GRHPR: variants seen among roughly 807,000 people sequenced by gnomAD.
GRHPR encodes the protein glyoxylate reductase/hydroxypyruvate reductase.
GRHPR carries 35 observed loss-of-function variants against 36.8 expected under a neutral mutation model. The ratio of observed to expected loss-of-function variants is 0.95; its 90% CI spans 0.73 to 1.26. The LOEUF (loss-of-function observed/expected upper bound fraction) is 1.26. Ranked by LOEUF, GRHPR falls within the 50% of genes most tolerant of loss-of-function variation. The pLI is 0.00. For synonymous variants in GRHPR, 179 were observed against 181.0 expected (o/e 0.99, Z 0.09); for missense variants, 380 against 435.0 (o/e 0.87, Z 1.12).
At position 37,431,851 on chromosome 9, in the gene GRHPR, T is replaced by G. The variant is rs1823382624; in HGVS notation, c.735-157T>G. 15 of 727,434 alleles carry G rather than the reference T, an allele frequency of 2.1e-5. No individual in the cohort carries two copies. In the South Asian group the frequency reaches 2.6e-4, roughly 12 times the overall value. The allele number at this position is 727,434 out of a possible 1,614,324, so 45.1% of individuals were successfully genotyped here. On this transcript the variant is annotated intron_variant, in intron 7 of 8. Coordinates refer to ENST00000318158, the MANE Select transcript of GRHPR (RefSeq NM_012203.2). The stretch of plus-strand genomic sequence containing the variant: ...GCAGGGCTGGAGTTCTCTGAGTATA[T>G]AAGACTTACAGACATACTGTAAGTA...
At chr9:37,425,450 GA>G (rs1243040534) in intron 2 of GRHPR, among the ~76,000 whole-genome samples, 1 of 152,260 alleles carries the variant, frequency 6.6e-6, no homozygotes, top group Non-Finnish European at 1.5e-5. Context: ...TTCAGACTCA[GA>G]GGCTGCCAGA....
downstream of GRHPR, chr9:37,439,396 A>C (rs145679706): frequency 1.9e-3 from 293 of 152,386 alleles, 1 homozygote; most frequent in African/African-American, 6.9e-3. Flanking sequence ...AACAACTTTA[A>C]ACATTTGGTA....
chr9:37,426,907 C>G (rs1258783839), intron 4 of GRHPR, among the ~76,000 whole-genome samples: 2 of 151,366 alleles, frequency 1.3e-5, no homozygotes, highest in Non-Finnish European at 2.9e-5. Context: ...GCTGAGATCA[C>G]ACCATTGCAC....
chr9:37,436,651 T>TCC lies in GRHPR; in HGVS notation c.866-9_866-8dup, dbSNP rs1554749628. ...TCTTATCTCCCTCTCTCTCTCTCTC[T>TCC]CCTTTCCAGTGATTCTGCCCCACAT... On this transcript the variant is annotated splice_polypyrimidine_tract_variant and intron_variant, in intron 8 of 8. Transcript: ENST00000318158. 19 of 1,613,562 alleles carry TCC rather than the reference T, an allele frequency of 1.2e-5. No homozygotes were observed. In the South Asian group the frequency reaches 2.1e-4, roughly 18 times the overall value.
At position 37,429,775 on chromosome 9, in the gene GRHPR, AT is replaced by A. The variant is rs180177315; in HGVS notation, c.540del (p.Leu181CysfsTer38). 1.2e-6 allele frequency: 2 copies of A among 1,613,790 alleles called. No individual in the cohort carries two copies. The highest frequency in any genetic ancestry group is 1.1e-5 in the South Asian group (1 of 91,074). On this transcript the variant is annotated frameshift_variant, in exon 6 of 9. Coordinates refer to ENST00000318158, the MANE Select transcript of GRHPR (RefSeq NM_012203.2). LOFTEE classifies it high-confidence loss of function. The stretch of plus-strand genomic sequence containing the variant: ...GTCTGAAACCATTCGGTGTCCAGAG[AT>A]TTCTGTACACAGGGCGCCAGCCCAG... ...RRLKPFGVQRFLYTGRQPRPE... is the reference protein window; with the variant it reads ...RRLKPFGVQRXLYTGRQPRPE...
Position 37,424,838 on chromosome 9 carries a change from C to G in GRHPR, c.84-7C>G. ...TGCTTCTCCTGAGGGCCTCCCTTTCCCCGCAGCTGTGAGGTGGAGCAGTGG... is the reference window on the plus strand; with the variant it reads ...TGCTTCTCCTGAGGGCCTCCCTTTCGCCGCAGCTGTGAGGTGGAGCAGTGG... On this transcript the variant is annotated splice_polypyrimidine_tract_variant and splice_region_variant and intron_variant, in intron 1 of 8. Coordinates refer to ENST00000318158, the MANE Select transcript of GRHPR (RefSeq NM_012203.2). The G allele has an allele frequency of 6.2e-7, 1 of 1,612,800 alleles. No individual in the cohort carries two copies. The highest frequency in any genetic ancestry group is 8.5e-7 in the Non-Finnish European group (1 of 1,179,816).
intron 7 of GRHPR, chr9:37,431,109 A>G (rs1349354890): frequency 4.4e-6 from 2 of 457,620 alleles, no homozygotes; most frequent in Non-Finnish European, 9.1e-6. Context: ...AGCTCCTCAC[A>G]CTGTCCCTAG....
intron 1 of GRHPR, among the ~76,000 whole-genome samples, chr9:37,423,342 ATT>A (rs35417895): frequency 1.4e-5 from 2 of 146,496 alleles, no homozygotes; most frequent in Non-Finnish European, 3.0e-5. Flanking sequence ...TAATTTTCTG[ATT>A]TTTTTTTTGT....
At chr9:37,431,870 G>C (rs1010657201) in intron 7 of GRHPR, 138 bp from the exon 8 acceptor site, 34 of 857,050 alleles carry the variant, frequency 4.0e-5, no homozygotes, top group Middle Eastern at 3.4e-4. Flanking sequence ...CAGACATACT[G>C]TAAGTATACC....
chr9:37,422,669 C>T (rs978800190), upstream of GRHPR: 6 of 1,160,232 alleles, frequency 5.2e-6, no homozygotes, highest in African/African-American at 4.6e-5. Flanking sequence ...CCCGCCCACT[C>T]CAGCCTGGCC....
intron 3 of GRHPR, 92 bp from the exon 4 acceptor site, chr9:37,426,446 A>C: frequency 2.2e-6 from 2 of 889,652 alleles, no homozygotes; most frequent in Non-Finnish European, 3.9e-6. Flanking sequence ...CAGATCAAAG[A>C]GGGAGCAAAG....
intron 5 of GRHPR, chr9:37,428,889 A>C (rs1002409750): frequency 1.5e-5 from 7 of 466,212 alleles, no homozygotes; most frequent in Non-Finnish European, 2.8e-5. Flanking sequence ...TTACCGTGAG[A>C]GAGCCCATTC....
At chr9:37,433,317 C>G (rs929045738) in intron 8 of GRHPR, among the ~76,000 whole-genome samples, 4 of 151,348 alleles carry the variant, frequency 2.6e-5, no homozygotes, top group Admixed American at 6.6e-5. Flanking sequence ...CACTGCAACC[C>G]CTGCCTCCTG....
intron 6 of GRHPR, 50 bp downstream of exon 6, chr9:37,429,886 G>A: frequency 1.8e-6 from 2 of 1,110,348 alleles, no homozygotes; most frequent in Non-Finnish European, 2.8e-6. Flanking sequence ...CCAGTTGAGA[G>A]GCTGTATTTT....
At chr9:37,433,879 A>C (rs1823501294) in intron 8 of GRHPR, 2 of 395,862 alleles carry the variant, frequency 5.1e-6, no homozygotes, top group African/African-American at 4.1e-5. Flanking sequence ...CTGGAATGGA[A>C]ACCTAAACAA....
At chr9:37,435,886 T>C (rs1823617593) in intron 8 of GRHPR, among the ~76,000 whole-genome samples, 1 of 152,114 alleles carries the variant, frequency 6.6e-6, no homozygotes, top group African/African-American at 2.4e-5. Flanking sequence ...GAACCTTGCA[T>C]CTCGGCATCT....
chr9:37,426,132 C>T, intron 3 of GRHPR, 138 bp downstream of exon 3: 2 of 699,966 alleles, frequency 2.9e-6, no homozygotes, highest in Non-Finnish European at 5.2e-6. Flanking sequence ...AGAATCTGTC[C>T]ACATGTGCAC....
downstream of GRHPR, chr9:37,438,081 C>T (rs1259442661): frequency 6.6e-6 from 1 of 152,074 alleles, no homozygotes; most frequent in Non-Finnish European, 1.5e-5. Flanking sequence ...ACCTTAATAA[C>T]GTAAAGAAAA....
chr9:37,432,307 G>A, intron 8 of GRHPR, 169 bp downstream of exon 8: 1 of 666,594 alleles, frequency 1.5e-6, no homozygotes, highest in Non-Finnish European at 2.8e-6. Context: ...GTGTATGACA[G>A]GAGCAGTCCT....
Sources: gnomAD v4.1 joint callset for allele counts (sites outside exome capture counted in the v4.1 genomes callset) on GRCh38, gnomAD v4.1.1 for gene constraint, MANE v1.5 for transcripts, NCBI Gene and HGNC (gene_info 2026-07-23, HGNC 2026-07-21) for gene names.